Variants in LIMCH1 observed in about 807,000 individuals in gnomAD.
The protein encoded by LIMCH1 is LIM and calponin homology domains-containing protein 1.
Under a neutral mutation model 176.5 loss-of-function variants are expected in LIMCH1, and 113 were observed. The ratio of observed to expected loss-of-function variants is 0.64; its 90% CI spans 0.55 to 0.75. The LOEUF is 0.75. Ranked by LOEUF, LIMCH1 falls within the 30% of genes least tolerant of loss-of-function variation. LIMCH1 has a pLI of 0.00. For missense variants in LIMCH1, 1,674 were observed against 1,814.9 expected (o/e 0.92, Z 1.41); for synonymous variants, 619 against 645.9 (o/e 0.96, Z 0.63).
chr4:41,374,041 G>T (rs1455276022), intron 1 of LIMCH1, among the ~76,000 whole-genome samples: 1 of 152,164 alleles, frequency 6.6e-6, no homozygotes, highest in Non-Finnish European at 1.5e-5. Context: ...TGTAGAGCCT[G>T]CAGGACTGTA....
chr4:41,390,265 A>AGT (rs2057063572), intron 1 of LIMCH1, among the ~76,000 whole-genome samples: 1 of 151,274 alleles, frequency 6.6e-6, no homozygotes, highest in Admixed American at 6.6e-5. Context: ...AGAGAGAGAG[A>AGT]GAGAGAGAGC....
chr4:41,405,093 C>T (rs2058826673), intron 1 of LIMCH1, among the ~76,000 whole-genome samples: 3 of 152,128 alleles, frequency 2.0e-5, no homozygotes, highest in Admixed American at 2.0e-4. Flanking sequence ...TCTTAAATTC[C>T]TTCAGGGTGT....
chr4:41,434,639 C>T (rs1226248375), intron 1 of LIMCH1, among the ~76,000 whole-genome samples: 2 of 152,292 alleles, frequency 1.3e-5, no homozygotes, highest in East Asian at 3.9e-4. Flanking sequence ...GCCTCAGCCT[C>T]CTGAGTAGCT....
chr4:41,664,005 A>T (rs547454847), intron 20 of LIMCH1, among the ~76,000 whole-genome samples: 65 of 152,212 alleles, frequency 4.3e-4, no homozygotes, highest in African/African-American at 1.4e-3. Flanking sequence ...ATACCACTGC[A>T]CTCTAACCTG....
intron 31 of LIMCH1, among the ~76,000 whole-genome samples, chr4:41,694,507 T>C (rs547586506): frequency 2.0e-5 from 3 of 152,326 alleles, no homozygotes; most frequent in Admixed American, 1.3e-4. Flanking sequence ...CTGTACTTGG[T>C]TTTTGTTGCT....
chr4:41,650,337 A>G (rs1356877261), intron 17 of LIMCH1, 56 bp from the exon 18 acceptor site: 2 of 1,247,872 alleles, frequency 1.6e-6, no homozygotes, highest in Non-Finnish European at 2.3e-6. Flanking sequence ...TCGTTTTGTT[A>G]CAGTCTTTGA....
chr4:41,608,569 C>T (rs541923241), intron 4 of LIMCH1, among the ~76,000 whole-genome samples: 18 of 152,198 alleles, frequency 1.2e-4, no homozygotes, highest in African/African-American at 4.1e-4. Context: ...AAATGATTCA[C>T]TAGGGTGCAA....
intron 18 of LIMCH1, among the ~76,000 whole-genome samples, chr4:41,655,486 AAAGT>A (rs2152959253): frequency 1.3e-5 from 2 of 152,346 alleles, no homozygotes; most frequent in South Asian, 4.1e-4. Flanking sequence ...TTTTTGGATT[AAAGT>A]AAGTTGGTCA....
intron 1 of LIMCH1, among the ~76,000 whole-genome samples, chr4:41,598,130 A>C (rs1341850340): frequency 1.3e-5 from 2 of 152,216 alleles, no homozygotes; most frequent in Non-Finnish European, 2.9e-5. Flanking sequence ...AGAGACTTGT[A>C]GCTGGTAAAC....
intron 1 of LIMCH1, among the ~76,000 whole-genome samples, chr4:41,552,497 G>A (rs1293167765): frequency 6.6e-6 from 1 of 151,714 alleles, no homozygotes; most frequent in Admixed American, 6.6e-5. Context: ...TTACTTTGGA[G>A]GCTTTCCCTA....
At chr4:41,677,258 A>C (rs952448150) in intron 23 of LIMCH1, among the ~76,000 whole-genome samples, 1 of 151,778 alleles carries the variant, frequency 6.6e-6, no homozygotes, top group Admixed American at 6.6e-5. Context: ...CTAAAAATAC[A>C]AAATTAGCCG....
At position 41,393,100 on chromosome 4, in the gene LIMCH1, G is replaced by A. The variant is rs201423304; in HGVS notation, c.96+32164G>A. Among the ~76,000 whole-genome samples, 8 of 152,306 alleles carry A rather than the reference G, an allele frequency of 5.3e-5. No individual in the cohort carries two copies. In the East Asian group the frequency reaches 9.6e-4, roughly 18 times the overall value. On this transcript the variant is annotated intron_variant, in intron 1 of 26. Coordinates refer to the LIMCH1 transcript ENST00000313860. ...AGCACATGTAATTTATGTTGAATTT[G>A]TTAAAGGCAAAGAAAAGATGTTTAC...
chr4:41,460,323 A>C (rs1438848303), intron 1 of LIMCH1, among the ~76,000 whole-genome samples: 1 of 151,856 alleles, frequency 6.6e-6, no homozygotes, highest in Non-Finnish European at 1.5e-5. Flanking sequence ...CAGATGTAGA[A>C]TATTTTGATC....
chr4:41,548,487 C>G (rs553358313), intron 1 of LIMCH1, among the ~76,000 whole-genome samples: 1 of 152,260 alleles, frequency 6.6e-6, no homozygotes, highest in East Asian at 1.9e-4. Flanking sequence ...TTCTCTTATT[C>G]AAAAAGCTGG....
chr4:41,682,972 TG>T (rs1418658108), intron 26 of LIMCH1, among the ~76,000 whole-genome samples: 1 of 152,294 alleles, frequency 6.6e-6, no homozygotes, highest in South Asian at 2.1e-4. Context: ...CCACCATGCC[TG>T]GCCTAAATAG....
At chr4:41,361,492 C>T (rs1431859661) in intron 1 of LIMCH1, among the ~76,000 whole-genome samples, 4 of 152,220 alleles carry the variant, frequency 2.6e-5, no homozygotes, top group African/African-American at 9.6e-5. Flanking sequence ...TGGCACAGTG[C>T]GCAGGGCGGG....
intron 1 of LIMCH1, among the ~76,000 whole-genome samples, chr4:41,547,979 A>G (rs1256954096): frequency 1.3e-5 from 2 of 148,836 alleles, no homozygotes; most frequent in Admixed American, 6.8e-5. Flanking sequence ...TGTTAATGTC[A>G]TTCATATTTT....
At chr4:41,507,589 CTG>C (rs2074341187) in intron 2 of LIMCH1, among the ~76,000 whole-genome samples, 1 of 152,192 alleles carries the variant, frequency 6.6e-6, no homozygotes, top group Non-Finnish European at 1.5e-5. Flanking sequence ...TTTAGGGACT[CTG>C]TGCCAGGAGC....
chr4:41,385,264 G>C (rs1001029205), intron 1 of LIMCH1, among the ~76,000 whole-genome samples: 2 of 152,170 alleles, frequency 1.3e-5, no homozygotes, highest in Admixed American at 1.3e-4. Context: ...ATTCCACTGT[G>C]TTTCAGTTTT....
Sources: allele counts gnomAD v4.1 joint callset (sites outside exome capture counted in the v4.1 genomes callset), GRCh38; gene constraint gnomAD v4.1.1; transcripts MANE v1.5; gene names NCBI Gene and HGNC (gene_info 2026-07-23, HGNC 2026-07-21).